The following RIF1 variants were observed in gnomAD, a reference collection of about 807,000 sequenced individuals.
RIF1 encodes replication timing regulatory factor 1.
In RIF1, 45 loss-of-function variants were observed where a neutral mutation model predicts 247.1. The ratio of observed to expected loss-of-function variants is 0.18; its 90% CI spans 0.14 to 0.23. The LOEUF (loss-of-function observed/expected upper bound fraction) is 0.23. RIF1 is among the 10% of genes least tolerant of loss of function. The pLI is 1.00. For synonymous variants in RIF1, 1,087 were observed against 978.8 expected, an observed-to-expected ratio of 1.11 and a Z score of -2.06; for missense variants, 2,967 against 2,862.5, an observed-to-expected ratio of 1.04 and a Z score of -0.83.
chr2:151,413,234 T>C (rs567374413), intron 3 of RIF1, among the ~76,000 whole-genome samples: 1 of 152,042 alleles, frequency 6.6e-6, no homozygotes, highest in South Asian at 2.1e-4. Flanking sequence ...GGTTTCTCCA[T>C]GTTGATCAGG....
intron 19 of RIF1, among the ~76,000 whole-genome samples, chr2:151,446,094 C>T (rs971818238): frequency 2.0e-5 from 3 of 152,070 alleles, no homozygotes; most frequent in African/African-American, 7.2e-5. Context: ...GCAACCTCTA[C>T]CTCCTGGGTT....
intron 4 of RIF1, among the ~76,000 whole-genome samples, chr2:151,415,453 G>C (rs1687032258): frequency 6.6e-6 from 1 of 151,544 alleles, no homozygotes; most frequent in East Asian, 1.9e-4. Context: ...GATTAGCCGG[G>C]CGTGGTGGCA....
At chr2:151,414,750 A>G in intron 3 of RIF1, 73 bp from the exon 4 acceptor site, 1 of 982,052 alleles carries the variant, frequency 1.0e-6, no homozygotes, top group South Asian at 1.5e-5. Context: ...CTTGTTCTGT[A>G]ATCAACTTCT....
chr2:151,427,301 C>G (rs1650939859), intron 8 of RIF1, among the ~76,000 whole-genome samples: 1 of 151,816 alleles, frequency 6.6e-6, no homozygotes, highest in Admixed American at 6.6e-5. Flanking sequence ...GCCTCGGCCT[C>G]TCAGGTTCAA....
At chr2:151,501,414 G>T in intron 11 of RIF1, 1 of 1,549,420 alleles carries the variant, frequency 6.5e-7, no homozygotes, top group Non-Finnish European at 8.7e-7. Flanking sequence ...TCTTGATTGA[G>T]TTTGACTCGC....
chr2:151,474,411 G>T (rs990252152), intron 35 of RIF1, among the ~76,000 whole-genome samples: 2 of 152,200 alleles, frequency 1.3e-5, no homozygotes, highest in African/African-American at 4.8e-5. Context: ...GGGTATGGTG[G>T]CTCACGCCTG....
At chr2:151,439,089 A>G (rs1691775424) in intron 14 of RIF1, among the ~76,000 whole-genome samples, 1 of 152,228 alleles carries the variant, frequency 6.6e-6, no homozygotes, top group African/African-American at 2.4e-5. Context: ...CATTAACAAT[A>G]TTAGTAAATT....
chr2:151,435,415 TG>T (rs1456097166), intron 10 of RIF1, 47 bp from the exon 11 acceptor site: 1 of 1,033,556 alleles, frequency 9.7e-7, no homozygotes, highest in South Asian at 1.4e-5. Flanking sequence ...TTTTAAAAAC[TG>T]TGACAGTTGT....
chr2:151,475,401 A>G lies in RIF1; in HGVS notation c.*330A>G, dbSNP rs1159254502. ...TTAAACCCGTGCATATTCTGGTGAA[A>G]CATGTAAAATACTTTAAGTAAAATT... On this transcript the variant is annotated 3_prime_UTR_variant, in exon 36 of 36. Coordinates refer to ENST00000444746, the MANE Select transcript of RIF1 (RefSeq NM_018151.5). 3.1e-5 allele frequency: 8 copies of G among 254,196 alleles called. No individual in the cohort carries two copies. The highest frequency in any genetic ancestry group is 6.1e-5 in the Non-Finnish European group (8 of 131,528). 15.7% of individuals were successfully genotyped at this position (254,196 alleles called of 1,614,324 possible). A position where few individuals can be genotyped will look rare whatever the true frequency, so the allele number is the denominator to read the frequency against.
rs775139388 is a variant in RIF1, at chr2:151,494,247, A to G, written c.*416-982A>G. ...GTGGCTTTCCCCACATTTTCTTTGT[A>G]CAAAACCTATGGGAATCCAATGGGT... On this transcript the variant is annotated intron_variant and NMD_transcript_variant, in intron 9 of 13. Transcript: ENST00000454583. 17 of 1,595,394 alleles carry G rather than the reference A, an allele frequency of 1.1e-5. No individual in the cohort carries two copies. The highest frequency in any genetic ancestry group is 9.1e-5 in the South Asian group (8 of 88,182).
chr2:151,445,294 A>G (rs542557661), intron 18 of RIF1, 44 bp from the exon 19 acceptor site: 2 of 1,087,986 alleles, frequency 1.8e-6, no homozygotes, highest in African/African-American at 1.5e-5. Context: ...TAGGATTAGA[A>G]TAAGATGGTA....
chr2:151,460,001 CAG>C lies in RIF1; in HGVS notation c.2959_2960del (p.Glu987LysfsTer29), dbSNP rs766227682. On this transcript the variant is annotated frameshift_variant and splice_region_variant, in exon 26 of 36. Transcript: ENST00000444746. LOFTEE classifies it high-confidence loss of function. ...ATTGTTTCATTTTTAATAAAACAGACAGAAAATTCACAACTAAATGTGAAGAT... is the reference window on the plus strand; with the variant it reads ...ATTGTTTCATTTTTAATAAAACAGACAAAATTCACAACTAAATGTGAAGAT... 4.6e-6 allele frequency: 7 copies of C among 1,523,376 alleles called. No individual in the cohort carries two copies. Among genetic ancestry groups the C allele is most frequent in the Middle Eastern group, 1.7e-4 (1 of 5,876 alleles). 94.4% of individuals were successfully genotyped at this position (1,523,376 alleles called of 1,614,324 possible).
chr2:151,506,805 G>C (rs2069387458), intron 13 of RIF1: 1 of 759,398 alleles, frequency 1.3e-6, no homozygotes, highest in East Asian at 2.6e-5. Context: ...TTACTGAGGA[G>C]GTTAGATGTT....
rs1172071422 is a variant in RIF1, at chr2:151,446,586, C to G, written c.2244+11C>G. On this transcript the variant is annotated intron_variant, in intron 20 of 35. Coordinates refer to ENST00000444746, the MANE Select transcript of RIF1 (RefSeq NM_018151.5). ...GATGAAGGCTTTTCTGTGAGTTTGT[C>G]CTGATGCTACCTTTTTTTGTTTGTT... The G allele has an allele frequency of 6.2e-7, 1 of 1,601,774 alleles. No homozygotes were observed. Among genetic ancestry groups the G allele is most frequent in the South Asian group, 1.1e-5 (1 of 87,566 alleles).
intron 18 of RIF1, 21 bp downstream of exon 18, chr2:151,443,730 G>C (rs201023217): frequency 2.1e-6 from 3 of 1,434,434 alleles, no homozygotes; most frequent in Non-Finnish European, 2.8e-6. Flanking sequence ...AATCTGCTAC[G>C]TATTTTGGAT....
the RIF1 span, chr2:151,519,169 A>AG: frequency 1.3e-6 from 1 of 799,124 alleles, no homozygotes; most frequent in Non-Finnish European, 2.1e-6. Flanking sequence ...CAAATGCTGG[A>AG]GATGGTGATG....
Position 151,440,079 on chromosome 2 carries a change from T to C in RIF1, c.1599T>C (p.Ser533=). 6.2e-7 allele frequency: 1 copy of C among 1,602,238 alleles called. No homozygotes were observed. Among genetic ancestry groups the C allele is most frequent in the Non-Finnish European group, 8.5e-7 (1 of 1,174,366 alleles). ...GSEVLTLLLK[S]LESIVKSEVF... The stretch of plus-strand genomic sequence containing the variant: ...AAGTTTTGACTCTCTTATTAAAGTC[T>C]TTGGAAAGCATAGTAAAGTCTGAAG... Residue 533 remains serine, a synonymous_variant, in exon 15 of 36, where the codon TCT becomes TCC. Transcript: ENST00000444746.
At chr2:151,458,013 T>G (rs978815668) in intron 24 of RIF1, 50 bp downstream of exon 24, 1 of 1,287,638 alleles carries the variant, frequency 7.8e-7, no homozygotes, top group East Asian at 2.4e-5. Flanking sequence ...GTTGTGATCA[T>G]ATAAATTGAT....
At chr2:151,445,674 A>G (rs1022130159) in intron 19 of RIF1, among the ~76,000 whole-genome samples, 1 of 151,994 alleles carries the variant, frequency 6.6e-6, no homozygotes, top group Non-Finnish European at 1.5e-5. Context: ...CTGCCTCCCA[A>G]GTAGCTGGGA....
Sources: gnomAD v4.1 joint callset for allele counts (sites outside exome capture counted in the v4.1 genomes callset) on GRCh38, gnomAD v4.1.1 for gene constraint, MANE v1.5 for transcripts, NCBI Gene and HGNC (gene_info 2026-07-23, HGNC 2026-07-21) for gene names.